The following KSR2 variants were observed in gnomAD, a reference collection of about 807,000 sequenced individuals.
KSR2 encodes kinase suppressor of ras 2.
In KSR2, 25 loss-of-function variants were observed where a neutral mutation model predicts 107.8. The ratio of observed to expected loss-of-function variants is 0.23; its 90% CI spans 0.17 to 0.32. The LOEUF (loss-of-function observed/expected upper bound fraction) is 0.32. Ranked by LOEUF, KSR2 falls within the 10% of genes least tolerant of loss-of-function variation. The probability of loss-of-function intolerance (pLI) is 1.00; values close to 1 mark genes in which losing one functional copy is unlikely to be tolerated. For synonymous variants in KSR2, 480 were observed against 507.0 expected, an observed-to-expected ratio of 0.95 and a Z score of 0.71; for missense variants, 887 against 1,268.9, an observed-to-expected ratio of 0.70 and a Z score of 4.57.
chr12:117,737,383 G>C (rs1478291667), intron 4 of KSR2, among the ~76,000 whole-genome samples: 1 of 152,128 alleles, frequency 6.6e-6, no homozygotes, highest in Non-Finnish European at 1.5e-5. Context: ...TTCTAAACAG[G>C]AAATGGGTTA....
chr12:117,740,495 T>C (rs1593188759), intron 4 of KSR2, among the ~76,000 whole-genome samples: 1 of 132,922 alleles, frequency 7.5e-6, no homozygotes, highest in African/African-American at 2.8e-5. Flanking sequence ...AATATATATG[T>C]TATATATTAC....
intron 18 of KSR2, among the ~76,000 whole-genome samples, chr12:117,470,595 A>G (rs1871390317): frequency 6.6e-6 from 1 of 152,220 alleles, no homozygotes; most frequent in Non-Finnish European, 1.5e-5. Context: ...TCTCAATACT[A>G]TAAGAGCCCT....
chr12:117,598,340 C>T (rs1165352051), intron 5 of KSR2, among the ~76,000 whole-genome samples: 1 of 152,174 alleles, frequency 6.6e-6, no homozygotes, highest in Non-Finnish European at 1.5e-5. Context: ...GAGTAGTATT[C>T]CATGGTGTAT....
intron 3 of KSR2, among the ~76,000 whole-genome samples, chr12:117,830,454 C>T (rs1352719406): frequency 2.6e-5 from 4 of 151,910 alleles, no homozygotes; most frequent in Non-Finnish European, 5.9e-5. Context: ...CAGTGTCATA[C>T]AATATACCAA....
At chr12:117,886,368 T>C (rs866475528) in intron 1 of KSR2, among the ~76,000 whole-genome samples, 11 of 152,094 alleles carry the variant, frequency 7.2e-5, no homozygotes, top group East Asian at 3.9e-4. Context: ...CCCATAATGA[T>C]GTTTCTATCA....
At chr12:117,739,377 A>T (rs892723203) in intron 4 of KSR2, among the ~76,000 whole-genome samples, 2 of 152,190 alleles carry the variant, frequency 1.3e-5, no homozygotes, top group Admixed American at 6.5e-5. Context: ...GAATAAAATT[A>T]AAAAATAAAG....
chr12:117,871,833 T>TC (rs1893664198), intron 1 of KSR2, among the ~76,000 whole-genome samples: 1 of 152,012 alleles, frequency 6.6e-6, no homozygotes, highest in Non-Finnish European at 1.5e-5. Flanking sequence ...GATATGGATT[T>TC]TTTTTAAGAG....
intron 1 of KSR2, among the ~76,000 whole-genome samples, chr12:117,926,512 C>T (rs892333764): frequency 4.6e-5 from 7 of 152,318 alleles, no homozygotes; most frequent in South Asian, 2.1e-4. Context: ...ATGAGGAAAA[C>T]GGTTGGCCTC....
At chr12:117,777,107 T>TATATACAC (rs58787858) in intron 3 of KSR2, among the ~76,000 whole-genome samples, 9 of 66,156 alleles carry the variant, frequency 1.4e-4, no homozygotes, top group African/African-American at 5.4e-4. Context: ...TATATATATA[T>TATATACAC]ACACACACAC....
chr12:117,853,724 T>A (rs774981722), intron 3 of KSR2, among the ~76,000 whole-genome samples: 14 of 152,100 alleles, frequency 9.2e-5, no homozygotes, highest in Admixed American at 3.9e-4. Flanking sequence ...GAGCAGATTT[T>A]GTATGTACTG....
chr12:117,491,260 A>G lies in KSR2; in HGVS notation c.2220-5569T>C, dbSNP rs947202869. Among the ~76,000 whole-genome samples, 4 of 152,048 alleles carry G rather than the reference A, an allele frequency of 2.6e-5. No homozygotes were observed. The East Asian group carries it at 7.7e-4, about 29-fold the overall frequency. ...AGTGGCGCCATCTCAGCTCACTGCA[A>G]CCTCTGCCTCCCGGGTTCAAGTAAT... On this transcript the variant is annotated intron_variant, in intron 14 of 19. Coordinates refer to ENST00000339824, the MANE Select transcript of KSR2 (RefSeq NM_173598.6).
At position 117,602,556 on chromosome 12, in the gene KSR2, A is replaced by G. The variant is rs567692492; in HGVS notation, c.1172-20197T>C. On this transcript the variant is annotated intron_variant, in intron 5 of 19. Coordinates refer to ENST00000339824, the MANE Select transcript of KSR2 (RefSeq NM_173598.6). ...TATTTTTGAGGTTTATCGATATTGT[A>G]ACATGTATCAGTACTTGATTCCTTT... 2.0e-5 allele frequency among the ~76,000 whole-genome samples: 3 copies of G among 152,350 alleles called. No homozygotes were observed. The South Asian group carries it at 6.2e-4, about 32-fold the overall frequency.
chr12:117,628,683 T>G (rs1882656401), intron 5 of KSR2, among the ~76,000 whole-genome samples: 1 of 152,232 alleles, frequency 6.6e-6, no homozygotes, highest in African/African-American at 2.4e-5. Context: ...GGAGGCAGTC[T>G]GTCTGTTCTC....
Position 117,577,022 on chromosome 12 carries a change from C to T in KSR2, c.1325+2097G>A, listed in dbSNP as rs546770038. On this transcript the variant is annotated intron_variant, in intron 7 of 19. Coordinates refer to ENST00000339824, the MANE Select transcript of KSR2 (RefSeq NM_173598.6). ...ACTCCAGGAGGAAAGGATGCTCAACCTTATCATTACTCAGGTGAGACTGCC... is the reference window on the plus strand; with the variant it reads ...ACTCCAGGAGGAAAGGATGCTCAACTTTATCATTACTCAGGTGAGACTGCC... Among the ~76,000 whole-genome samples, 5 of 152,156 alleles carry T rather than the reference C, an allele frequency of 3.3e-5. No individual in the cohort carries two copies. In the East Asian group the frequency reaches 9.7e-4, roughly 29 times the overall value.
At chr12:117,685,178 A>C (rs1291441280) in intron 4 of KSR2, among the ~76,000 whole-genome samples, 1 of 152,062 alleles carries the variant, frequency 6.6e-6, no homozygotes. Context: ...AGCGACCCGG[A>C]CTTTGCCTCT....
At chr12:117,738,096 A>G (rs1307979044) in intron 4 of KSR2, among the ~76,000 whole-genome samples, 1 of 152,146 alleles carries the variant, frequency 6.6e-6, no homozygotes, top group African/African-American at 2.4e-5. Context: ...ACTATCCCGG[A>G]AGCAGAAGGA....
intron 13 of KSR2, among the ~76,000 whole-genome samples, chr12:117,525,756 C>T (rs1875098956): frequency 6.6e-6 from 1 of 152,176 alleles, no homozygotes; most frequent in South Asian, 2.1e-4. Flanking sequence ...TGACAACTGC[C>T]AACATGGAGT....
At chr12:117,720,381 C>T (rs1565978352) in intron 4 of KSR2, among the ~76,000 whole-genome samples, 1 of 152,224 alleles carries the variant, frequency 6.6e-6, no homozygotes, top group African/African-American at 2.4e-5. Context: ...CCTGTCTGCA[C>T]AACACTTGTA....
intron 1 of KSR2, among the ~76,000 whole-genome samples, chr12:117,919,372 C>T (rs564102387): frequency 6.6e-6 from 1 of 152,270 alleles, no homozygotes; most frequent in African/African-American, 2.4e-5. Flanking sequence ...CTGTCAACTG[C>T]TTTGAATATA....
Sources: allele counts gnomAD v4.1 joint callset (sites outside exome capture counted in the v4.1 genomes callset), GRCh38; gene constraint gnomAD v4.1.1; transcripts MANE v1.5; gene names NCBI Gene and HGNC (gene_info 2026-07-23, HGNC 2026-07-21).